CDK14: variants seen among roughly 807,000 people sequenced by gnomAD.
The protein encoded by CDK14 is cyclin-dependent kinase 14.
Under a neutral mutation model 60.7 loss-of-function variants are expected in CDK14, and 34 were observed. The observed-to-expected ratio is 0.56, with a 90% CI of 0.43 to 0.75. The LOEUF is 0.75. Ranked by LOEUF, CDK14 falls within the 30% of genes least tolerant of loss-of-function variation. CDK14 has a pLI of 0.00. For missense variants in CDK14, 482 were observed against 564.1 expected (o/e 0.85, Z 1.47); for synonymous variants, 197 against 203.7 (o/e 0.97, Z 0.28).
chr7:90,959,237 A>G (rs1359615225), intron 9 of CDK14, among the ~76,000 whole-genome samples: 1 of 152,164 alleles, frequency 6.6e-6, no homozygotes, highest in African/African-American at 2.4e-5. Flanking sequence ...ACCAAATAGC[A>G]AATGTGTTAT....
intron 10 of CDK14, among the ~76,000 whole-genome samples, chr7:91,036,701 T>G (rs886090614): frequency 6.6e-5 from 10 of 152,178 alleles, no homozygotes; most frequent in African/African-American, 1.7e-4. Context: ...TCTAGCTTAC[T>G]TTATTGTAAG....
chr7:90,621,108 C>A (rs1310236566), intron 2 of CDK14, among the ~76,000 whole-genome samples: 1 of 152,136 alleles, frequency 6.6e-6, no homozygotes, highest in Non-Finnish European at 1.5e-5. Flanking sequence ...TATGTCACAT[C>A]TACAGTGTGC....
At chr7:90,854,360 G>GAAAC (rs1790750328) in intron 5 of CDK14, among the ~76,000 whole-genome samples, 1 of 151,888 alleles carries the variant, frequency 6.6e-6, no homozygotes. Flanking sequence ...CAAATAACTA[G>GAAAC]AAACAAACAA....
At chr7:90,802,849 T>A (rs912320659) in intron 5 of CDK14, among the ~76,000 whole-genome samples, 1 of 152,328 alleles carries the variant, frequency 6.6e-6, no homozygotes, top group African/African-American at 2.4e-5. Context: ...CAAAAGGAGA[T>A]CAAGAAGAGT....
chr7:91,194,542 A>AT (rs10707688), intron 14 of CDK14, among the ~76,000 whole-genome samples: 10 of 151,802 alleles, frequency 6.6e-5, no homozygotes, highest in South Asian at 2.1e-4. Flanking sequence ...AAATCACCAG[A>AT]TTTTTTTTTA....
intron 14 of CDK14, among the ~76,000 whole-genome samples, chr7:91,145,528 A>G (rs1005828202): frequency 3.9e-5 from 6 of 152,118 alleles, no homozygotes; most frequent in African/African-American, 1.4e-4. Context: ...TTCTCCCTCA[A>G]ATTGGGTCAT....
intron 2 of CDK14, among the ~76,000 whole-genome samples, chr7:90,648,621 C>T (rs1307125621): frequency 1.3e-5 from 2 of 152,086 alleles, no homozygotes; most frequent in African/African-American, 4.8e-5. Context: ...TCAGGGCCCC[C>T]AGACCTCATC....
At chr7:90,849,117 G>T (rs1348241382) in intron 5 of CDK14, among the ~76,000 whole-genome samples, 4 of 152,112 alleles carry the variant, frequency 2.6e-5, no homozygotes, top group African/African-American at 9.7e-5. Flanking sequence ...GAGGTGTTTG[G>T]GTCGTGGGGG....
chr7:90,599,904 A>C (rs985406940), intron 1 of CDK14, among the ~76,000 whole-genome samples: 18 of 152,256 alleles, frequency 1.2e-4, no homozygotes, highest in Non-Finnish European at 2.2e-4. Context: ...GTCAGTGTTT[A>C]TCATTAATAA....
intron 8 of CDK14, among the ~76,000 whole-genome samples, chr7:90,955,463 G>A (rs928214183): frequency 1.3e-5 from 2 of 152,114 alleles, no homozygotes; most frequent in Admixed American, 1.3e-4. Flanking sequence ...TATTTTATTA[G>A]ATTCATGACA....
At chr7:91,169,900 T>C (rs1438993283) in intron 14 of CDK14, among the ~76,000 whole-genome samples, 1 of 152,252 alleles carries the variant, frequency 6.6e-6, no homozygotes, top group Non-Finnish European at 1.5e-5. Flanking sequence ...CATTGTGCTT[T>C]ATAATTCATT....
chr7:90,750,444 G>T (rs1803791946), intron 4 of CDK14, among the ~76,000 whole-genome samples: 1 of 151,554 alleles, frequency 6.6e-6, no homozygotes, highest in African/African-American at 2.4e-5. Flanking sequence ...AGGAAGCTTA[G>T]TGAGATCCAA....
intron 14 of CDK14, among the ~76,000 whole-genome samples, chr7:91,147,431 C>A (rs1800688488): frequency 6.6e-6 from 1 of 152,028 alleles, no homozygotes; most frequent in South Asian, 2.1e-4. Context: ...TCAAAGTTTT[C>A]TTTCCCGGAG....
At chr7:90,618,327 C>T (rs1025015395) in intron 2 of CDK14, among the ~76,000 whole-genome samples, 3 of 151,834 alleles carry the variant, frequency 2.0e-5, no homozygotes, top group Non-Finnish European at 2.9e-5. Flanking sequence ...TTTTTTTTCT[C>T]TCTTTCTCTC....
chr7:91,047,154 C>T lies in CDK14; in HGVS notation c.1105+1194C>T, dbSNP rs191409921. On this transcript the variant is annotated intron_variant, in intron 11 of 14. Transcript: ENST00000380050. ...CGTGTTCTTAATGGAGTGAAGAACA[C>T]AGTTCCTTATAAACGATCCAATTGT... is the stretch of plus-strand genomic sequence containing the variant. 3.3e-4 allele frequency among the ~76,000 whole-genome samples: 50 copies of T among 152,286 alleles called. No individual in the cohort carries two copies. The East Asian group carries it at 9.4e-3, about 29-fold the overall frequency.
At chr7:90,666,456 G>C (rs910000290) in intron 2 of CDK14, 1 of 152,198 alleles carries the variant, frequency 6.6e-6, no homozygotes, top group African/African-American at 2.4e-5. Flanking sequence ...TCCCGAATGA[G>C]ACATACTATA....
chr7:91,078,382 C>G (rs752314160), intron 11 of CDK14, among the ~76,000 whole-genome samples: 3 of 152,082 alleles, frequency 2.0e-5, no homozygotes, highest in East Asian at 1.9e-4. Flanking sequence ...CAAGGCAGGT[C>G]GATCACCTGA....
At chr7:90,764,748 T>C (rs976808774) in intron 4 of CDK14, among the ~76,000 whole-genome samples, 1 of 152,230 alleles carries the variant, frequency 6.6e-6, no homozygotes, top group African/African-American at 2.4e-5. Flanking sequence ...AACATTTGCC[T>C]GTATAAACAA....
At chr7:90,768,613 C>T (rs1327115584) in intron 4 of CDK14, among the ~76,000 whole-genome samples, 7 of 152,090 alleles carry the variant, frequency 4.6e-5, no homozygotes, top group East Asian at 1.9e-4. Flanking sequence ...CCTCTTTTTT[C>T]GAATATCCGA....
Sources: allele counts gnomAD v4.1 joint callset (sites outside exome capture counted in the v4.1 genomes callset), GRCh38; gene constraint gnomAD v4.1.1; transcripts MANE v1.5; gene names NCBI Gene and HGNC (gene_info 2026-07-23, HGNC 2026-07-21).